Variants in SH3D19 observed in about 807,000 individuals in gnomAD.
SH3D19 encodes SH3 domain containing 19, also known as SH3 domain-containing protein 19.
In SH3D19, 58 loss-of-function variants were observed where a neutral mutation model predicts 112.1. The ratio of observed to expected loss-of-function variants is 0.52; its 90% CI spans 0.42 to 0.64. SH3D19 has a LOEUF of 0.64. SH3D19 is among the 30% of genes least tolerant of loss of function. SH3D19 has a pLI of 0.00. For missense variants in SH3D19, 1,090 were observed against 1,263.4 expected, an observed-to-expected ratio of 0.86 and a Z score of 2.08; for synonymous variants, 391 against 448.5, an observed-to-expected ratio of 0.87 and a Z score of 1.62.
At chr4:151,144,446 A>G (rs1338490950) in intron 11 of SH3D19, 2 of 641,760 alleles carry the variant, frequency 3.1e-6, no homozygotes, top group African/African-American at 3.7e-5. Context: ...GGAGCCTGCC[A>G]TTTCTCATGG....
At chr4:151,138,361 G>T (rs990871283) in intron 13 of SH3D19, among the ~76,000 whole-genome samples, 3 of 152,254 alleles carry the variant, frequency 2.0e-5, no homozygotes, top group South Asian at 4.1e-4. Context: ...GAGTTTATTT[G>T]TAGCCTTGGA....
chr4:151,190,796 C>T (rs1252973849), intron 2 of SH3D19, among the ~76,000 whole-genome samples: 1 of 152,116 alleles, frequency 6.6e-6, no homozygotes, highest in Non-Finnish European at 1.5e-5. Context: ...GGGTCGGAGC[C>T]CCAACACAGA....
intron 2 of SH3D19, among the ~76,000 whole-genome samples, chr4:151,212,083 A>G (rs1766062574): frequency 6.6e-6 from 1 of 152,262 alleles, no homozygotes; most frequent in African/African-American, 2.4e-5. Flanking sequence ...TTCAAAGGAC[A>G]GGCTGACTTT....
chr4:151,288,038 T>C (rs1287521089), intron 1 of SH3D19, among the ~76,000 whole-genome samples: 3 of 57,020 alleles, frequency 5.3e-5, no homozygotes, highest in Non-Finnish European at 1.2e-4. Flanking sequence ...ATCATGTCAA[T>C]AAATATGGAA....
At chr4:151,302,319 T>G (rs1011467273) in intron 1 of SH3D19, among the ~76,000 whole-genome samples, 1 of 152,188 alleles carries the variant, frequency 6.6e-6, no homozygotes, top group Admixed American at 6.5e-5. Flanking sequence ...TAGAGGTTGT[T>G]TGTAATCACA....
At chr4:151,286,195 A>C (rs1165023188) in intron 1 of SH3D19, among the ~76,000 whole-genome samples, 2 of 149,918 alleles carry the variant, frequency 1.3e-5, no homozygotes, top group Non-Finnish European at 3.0e-5. Flanking sequence ...AAAAAAAAAA[A>C]AAAAAAAAAC....
intron 8 of SH3D19, among the ~76,000 whole-genome samples, chr4:151,162,495 A>T (rs765423278): frequency 6.6e-6 from 1 of 152,074 alleles, no homozygotes; most frequent in Non-Finnish European, 1.5e-5. Flanking sequence ...TATCCTTTTC[A>T]GGATTTCAAA....
chr4:151,303,016 G>A (rs1398184853), intron 1 of SH3D19, among the ~76,000 whole-genome samples: 1 of 151,940 alleles, frequency 6.6e-6, no homozygotes, highest in African/African-American at 2.4e-5. Context: ...TAAAGTATAA[G>A]AAGAAAAAAG....
intron 1 of SH3D19, among the ~76,000 whole-genome samples, chr4:151,239,451 A>G (rs1227515837): frequency 6.6e-6 from 1 of 152,184 alleles, no homozygotes; most frequent in African/African-American, 2.4e-5. Flanking sequence ...TTCATAGAGA[A>G]GAAGTATTGT....
At chr4:151,176,163 T>C (rs1243789273) in intron 6 of SH3D19, among the ~76,000 whole-genome samples, 1 of 152,172 alleles carries the variant, frequency 6.6e-6, no homozygotes, top group African/African-American at 2.4e-5. Flanking sequence ...TAAGCCACAG[T>C]GCAACACTTT....
At chr4:151,206,279 G>C (rs1469955062) in intron 2 of SH3D19, among the ~76,000 whole-genome samples, 1 of 152,082 alleles carries the variant, frequency 6.6e-6, no homozygotes, top group Non-Finnish European at 1.5e-5. Context: ...ATTTTGTGTT[G>C]TTTCAGAAAA....
intron 2 of SH3D19, among the ~76,000 whole-genome samples, chr4:151,218,153 C>T (rs986905365): frequency 4.6e-5 from 7 of 151,730 alleles, no homozygotes; most frequent in Admixed American, 2.6e-4. Flanking sequence ...TCTTAAGTGC[C>T]AAAAAAGAGA....
intron 1 of SH3D19, among the ~76,000 whole-genome samples, chr4:151,286,030 TAA>T (rs771668211): frequency 3.0e-4 from 38 of 128,740 alleles, no homozygotes; most frequent in Admixed American, 4.7e-4. Flanking sequence ...ACCCTATCTC[TAA>T]AAAAAAAAAA....
chr4:151,164,617 T>C (rs1757680885), intron 8 of SH3D19, among the ~76,000 whole-genome samples: 1 of 151,782 alleles, frequency 6.6e-6, no homozygotes, highest in Non-Finnish European at 1.5e-5. Flanking sequence ...TCTCGCTCTG[T>C]CACCCAGGCT....
chr4:151,150,223 A>ATG (rs1754727251), intron 9 of SH3D19, among the ~76,000 whole-genome samples: 1 of 59,234 alleles, frequency 1.7e-5, no homozygotes, highest in Non-Finnish European at 5.6e-5. Flanking sequence ...ATATATATAT[A>ATG]TATATACACA....
At chr4:151,174,532 T>C in intron 7 of SH3D19, 138 bp downstream of exon 7, 1 of 684,900 alleles carries the variant, frequency 1.5e-6, no homozygotes. Flanking sequence ...CCTCTGTTTC[T>C]ATACACACAC....
intron 14 of SH3D19, among the ~76,000 whole-genome samples, chr4:151,135,975 G>A (rs1034268407): frequency 6.7e-6 from 1 of 148,822 alleles, no homozygotes; most frequent in Non-Finnish European, 1.5e-5. Context: ...TGACAACAGC[G>A]AGACTGTCTC....
intron 1 of SH3D19, among the ~76,000 whole-genome samples, chr4:151,267,523 GAATA>G (rs1378770832): frequency 6.6e-6 from 1 of 152,034 alleles, no homozygotes; most frequent in African/African-American, 2.4e-5. Flanking sequence ...TTTTCCTTCT[GAATA>G]GATAAAAACA....
chr4:151,176,623 T>G lies in SH3D19; in HGVS notation c.440A>C (p.Asn147Thr). The change falls in exon 6 of 20, where the codon AAT becomes ACT. Residue 147 changes from asparagine to threonine, a missense_variant. Asn to Thr is a moderately conservative substitution (Grantham distance 65). Coordinates refer to ENST00000604030, the MANE Select transcript of SH3D19 (RefSeq NM_001378122.1). ...INQVQVNTTN[N>T]NNAAATPRHT... Reference sequence around the variant, plus strand: ...CCTTGGAGTAGCAGCAGCATTATTATTATTTGTAGTATTAACTTGAACTTG... The same window carrying G: ...CCTTGGAGTAGCAGCAGCATTATTAGTATTTGTAGTATTAACTTGAACTTG... 8.1e-7 allele frequency: 1 copy of G among 1,231,622 alleles called. No individual in the cohort carries two copies. Among genetic ancestry groups the G allele is most frequent in the Non-Finnish European group, 1.0e-6 (1 of 987,506 alleles). The allele number at this position is 1,231,622 out of a possible 1,614,324, so 76.3% of individuals were successfully genotyped here. A position where few individuals can be genotyped will look rare whatever the true frequency, so the allele number is the denominator to read the frequency against.
Sources: gnomAD v4.1 joint callset for allele counts (sites outside exome capture counted in the v4.1 genomes callset) on GRCh38, gnomAD v4.1.1 for gene constraint, MANE v1.5 for transcripts, NCBI Gene and HGNC (gene_info 2026-07-23, HGNC 2026-07-21) for gene names.